The following ADAMTSL1 variants were observed in gnomAD, a reference collection of about 807,000 sequenced individuals.
ADAMTSL1 encodes the protein ADAMTS like 1.
Under a neutral mutation model 201.8 loss-of-function variants are expected in ADAMTSL1, and 126 were observed. That is an observed-to-expected ratio of 0.62 (90% CI 0.54 to 0.72). The LOEUF is 0.72. Among genes scored for constraint, ADAMTSL1 ranks in the 30% least tolerant of loss-of-function variants. The pLI is 0.00. For missense variants in ADAMTSL1, 2,679 were observed against 2,277.8 expected (o/e 1.18, Z -3.59); for synonymous variants, 1,121 against 903.4 (o/e 1.24, Z -4.32).
At chr9:18,097,540 A>G (rs1285897302) in intron 1 of ADAMTSL1, among the ~76,000 whole-genome samples, 1 of 152,222 alleles carries the variant, frequency 6.6e-6, no homozygotes, top group Non-Finnish European at 1.5e-5. Flanking sequence ...CCAGAATTGT[A>G]TAAAAGTCTG....
At chr9:18,422,369 C>G (rs769142300) in intron 2 of ADAMTSL1, among the ~76,000 whole-genome samples, 9 of 152,180 alleles carry the variant, frequency 5.9e-5, no homozygotes, top group Non-Finnish European at 1.2e-4. Flanking sequence ...TTCTTCTAGA[C>G]CATGAAATAA....
At chr9:18,620,349 A>C (rs1179121694) in intron 4 of ADAMTSL1, among the ~76,000 whole-genome samples, 2 of 152,176 alleles carry the variant, frequency 1.3e-5, no homozygotes, top group Non-Finnish European at 2.9e-5. Context: ...GTAAAGTCTC[A>C]TGAGAGTGGA....
At chr9:18,139,047 C>G (rs1826281880) in intron 1 of ADAMTSL1, among the ~76,000 whole-genome samples, 1 of 152,124 alleles carries the variant, frequency 6.6e-6, no homozygotes, top group Non-Finnish European at 1.5e-5. Flanking sequence ...TTTCATTTCT[C>G]TTGCCTAGAT....
chr9:18,529,200 C>T (rs112517093), intron 2 of ADAMTSL1, among the ~76,000 whole-genome samples: 1 of 152,160 alleles, frequency 6.6e-6, no homozygotes, highest in African/African-American at 2.4e-5. Context: ...TTGCATTTTA[C>T]TGATGAACAT....
intron 23 of ADAMTSL1, among the ~76,000 whole-genome samples, chr9:18,885,555 C>G (rs144232584): frequency 8.4e-4 from 128 of 152,240 alleles, no homozygotes; most frequent in Middle Eastern, 3.4e-3. Flanking sequence ...GAAGTATAAC[C>G]GCTTTCTCAT....
chr9:18,127,481 A>AACACACACAC (rs112886805), intron 1 of ADAMTSL1, among the ~76,000 whole-genome samples: 1,528 of 146,200 alleles, frequency 0.01, 15 homozygotes, highest in African/African-American at 0.024. Context: ...GCACATACAC[A>AACACACACAC]ACACACACAC....
intron 15 of ADAMTSL1, among the ~76,000 whole-genome samples, chr9:18,746,000 G>A (rs543367027): frequency 6.6e-6 from 1 of 152,322 alleles, no homozygotes; most frequent in East Asian, 1.9e-4. Context: ...GAAGGAAGAA[G>A]AAGAAGGAAA....
chr9:18,527,887 G>A (rs186670830), intron 2 of ADAMTSL1, among the ~76,000 whole-genome samples: 67 of 151,924 alleles, frequency 4.4e-4, no homozygotes, highest in South Asian at 3.8e-3. Flanking sequence ...TATTCCACCC[G>A]CCCCCCTCAA....
At chr9:18,267,411 A>G (rs1832160518) in intron 2 of ADAMTSL1, among the ~76,000 whole-genome samples, 1 of 152,122 alleles carries the variant, frequency 6.6e-6, no homozygotes, top group Non-Finnish European at 1.5e-5. Flanking sequence ...GCCAGATTGA[A>G]TTCAGATTAG....
chr9:18,370,298 C>T (rs544797390), intron 2 of ADAMTSL1, among the ~76,000 whole-genome samples: 5 of 151,136 alleles, frequency 3.3e-5, no homozygotes, highest in South Asian at 2.1e-4. Flanking sequence ...AAAAAAGAGG[C>T]ACTGGGGACT....
chr9:18,572,385 C>A (rs1822386256), intron 3 of ADAMTSL1, among the ~76,000 whole-genome samples: 2 of 137,578 alleles, frequency 1.5e-5, no homozygotes, highest in Non-Finnish European at 3.3e-5. Context: ...TAAACTGCAT[C>A]CTATTATCTA....
At chr9:18,721,497 C>T (rs778386392) in intron 14 of ADAMTSL1, 39 bp from the exon 15 acceptor site, 2 of 1,608,188 alleles carry the variant, frequency 1.2e-6, no homozygotes. Flanking sequence ...CACACACACC[C>T]ACTTTGCACT....
At chr9:18,107,018 T>C (rs1824791034) in intron 1 of ADAMTSL1, among the ~76,000 whole-genome samples, 2 of 152,216 alleles carry the variant, frequency 1.3e-5, no homozygotes, top group African/African-American at 4.8e-5. Flanking sequence ...CTTTTTTATG[T>C]AACATCTTCA....
rs143434106 is a variant in ADAMTSL1 at position 18,592,847 on chromosome 9, C to A, written c.474+18581C>A. 5.1e-3 allele frequency among the ~76,000 whole-genome samples: 780 copies of A among 152,270 alleles called. 9 individuals are homozygous for A. Among genetic ancestry groups the A allele is most frequent in the Admixed American group, 0.011 (169 of 15,296 alleles). Reference sequence around the variant, plus strand: ...TTTTAACAATATTGATTCTTCCAATCCATGAACATGGAATCTTTTTTCATT... The same window carrying A: ...TTTTAACAATATTGATTCTTCCAATACATGAACATGGAATCTTTTTTCATT... On this transcript the variant is annotated intron_variant, in intron 4 of 28. Coordinates refer to ENST00000380548, the MANE Select transcript of ADAMTSL1 (RefSeq NM_001040272.6).
At chr9:18,355,565 A>G (rs954751261) in intron 2 of ADAMTSL1, among the ~76,000 whole-genome samples, 3 of 152,236 alleles carry the variant, frequency 2.0e-5, no homozygotes, top group African/African-American at 7.2e-5. Flanking sequence ...ATAAAAATAC[A>G]TATAGTATCT....
At position 18,657,668 on chromosome 9, in the gene ADAMTSL1, A is replaced by G; in HGVS notation, c.864A>G (p.Thr288=). 6.2e-7 allele frequency: 1 copy of G among 1,614,196 alleles called. No homozygotes were observed. The highest frequency in any genetic ancestry group is 8.5e-7 in the Non-Finnish European group (1 of 1,180,026). ...GTAACTCGGGCTCCGCTGACAGTAC[A>G]GTCCAGTTCATCTTCTATCAACCCA... ...KIRNSGSADS[T]VQFIFYQPII... is the part of the protein sequence containing the mutation. The change falls in exon 8 of 29, where the codon ACA becomes ACG. Residue 288 remains threonine (T), a synonymous_variant. Coordinates refer to ENST00000380548, the MANE Select transcript of ADAMTSL1 (RefSeq NM_001040272.6).
intron 13 of ADAMTSL1, among the ~76,000 whole-genome samples, chr9:18,689,113 T>A (rs1470021343): frequency 1.3e-5 from 2 of 152,134 alleles, no homozygotes; most frequent in African/African-American, 4.8e-5. Flanking sequence ...AGTGTACATT[T>A]ATTTGGTGGG....
At chr9:18,235,407 T>G (rs1830809876) in intron 2 of ADAMTSL1, among the ~76,000 whole-genome samples, 1 of 152,172 alleles carries the variant, frequency 6.6e-6, no homozygotes, top group East Asian at 1.9e-4. Flanking sequence ...CTTCATCACT[T>G]AGCTGAGGCA....
At chr9:18,893,357 GT>G (rs1373836689) in intron 26 of ADAMTSL1, among the ~76,000 whole-genome samples, 1 of 152,162 alleles carries the variant, frequency 6.6e-6, no homozygotes, top group Non-Finnish European at 1.5e-5. Context: ...AAGGAGGGAC[GT>G]ATGGTGCACC....
Sources: allele counts gnomAD v4.1 joint callset (sites outside exome capture counted in the v4.1 genomes callset), GRCh38; gene constraint gnomAD v4.1.1; transcripts MANE v1.5; gene names NCBI Gene and HGNC (gene_info 2026-07-23, HGNC 2026-07-21).